ZNF564: variants seen among roughly 807,000 people sequenced by gnomAD.
The protein encoded by ZNF564 is zinc finger protein 564.
ZNF564 carries 5 observed loss-of-function variants against 10.5 expected under a neutral mutation model. The observed-to-expected ratio is 0.48, with a 90% confidence interval of 0.25 to 1.00. ZNF564 has a LOEUF of 1.00. ZNF564 is among the 50% of genes least tolerant of loss of function. The pLI is 0.16. For missense variants in ZNF564, 603 were observed against 669.7 expected, an observed-to-expected ratio of 0.90 and a Z score of 1.10; for synonymous variants, 242 against 218.1, an observed-to-expected ratio of 1.11 and a Z score of -0.97.
intron 1 of ZNF564, among the ~76,000 whole-genome samples, chr19:12,530,518 C>T (rs2021780494): frequency 6.6e-6 from 1 of 152,234 alleles, no homozygotes. Flanking sequence ...TAACAAGGTA[C>T]CCTATGACTT....
chr19:12,544,729 CAG>C (rs1568266997), intron 1 of ZNF564, among the ~76,000 whole-genome samples: 1 of 152,196 alleles, frequency 6.6e-6, no homozygotes, highest in African/African-American at 2.4e-5. Flanking sequence ...AGAACTCCCA[CAG>C]AGTCTCCAAT....
At chr19:12,529,021 C>T (rs946363970) in intron 1 of ZNF564, among the ~76,000 whole-genome samples, 22 of 152,118 alleles carry the variant, frequency 1.4e-4, no homozygotes, top group African/African-American at 4.6e-4. Flanking sequence ...ACCAAGATCA[C>T]GCCACTGCAC....
At chr19:12,542,675 AAGG>A in intron 1 of ZNF564, among the ~76,000 whole-genome samples, 1 of 151,378 alleles carries the variant, frequency 6.6e-6, no homozygotes, top group Admixed American at 6.6e-5. Flanking sequence ...AAAGGAAAGG[AAGG>A]AAGGAAAGGA....
At chr19:12,534,136 A>C (rs1391179218) in intron 1 of ZNF564, among the ~76,000 whole-genome samples, 1 of 152,202 alleles carries the variant, frequency 6.6e-6, no homozygotes, top group Non-Finnish European at 1.5e-5. Flanking sequence ...TTTCTACACA[A>C]GACCAGAAAC....
At chr19:12,545,284 A>C (rs946094439) in intron 1 of ZNF564, among the ~76,000 whole-genome samples, 4 of 149,620 alleles carry the variant, frequency 2.7e-5, no homozygotes, top group Admixed American at 2.7e-4. Flanking sequence ...AAAAAAAAAG[A>C]AATGAGTGAG....
At chr19:12,541,066 CAAAAAAAAAAAA>C (rs35848835) in intron 1 of ZNF564, among the ~76,000 whole-genome samples, 1 of 59,736 alleles carries the variant, frequency 1.7e-5, no homozygotes, top group African/African-American at 7.6e-5. Flanking sequence ...CCTGTCTCTA[CAAAAAAAAAAAA>C]AAAAAAAAAA....
At chr19:12,548,634 C>T (rs773579837) in intron 1 of ZNF564, 1 of 562,088 alleles carries the variant, frequency 1.8e-6, no homozygotes, top group Non-Finnish European at 3.2e-6. Context: ...GCCATCGCGG[C>T]TGGCAAGACA....
chr19:12,536,526 T>C (rs1425579062), intron 1 of ZNF564, among the ~76,000 whole-genome samples: 1 of 152,212 alleles, frequency 6.6e-6, no homozygotes, highest in Non-Finnish European at 1.5e-5. Context: ...TAAGCCATTA[T>C]GGTCATGAAT....
chr19:12,531,398 C>T (rs2021797741), intron 1 of ZNF564, among the ~76,000 whole-genome samples: 1 of 151,878 alleles, frequency 6.6e-6, no homozygotes, highest in African/African-American at 2.4e-5. Flanking sequence ...GAAACCTCGT[C>T]TCTACTAAAA....
intron 1 of ZNF564, among the ~76,000 whole-genome samples, chr19:12,540,582 T>C (rs113673877): frequency 0.012 from 1,898 of 152,068 alleles, 31 homozygotes; most frequent in African/African-American, 0.043. Context: ...CGGCTGGGTG[T>C]GGTAGCTCAT....
chr19:12,545,911 T>C (rs1057457806), intron 1 of ZNF564, among the ~76,000 whole-genome samples: 7 of 152,166 alleles, frequency 4.6e-5, no homozygotes, highest in Non-Finnish European at 2.9e-5. Context: ...AACAACCCTC[T>C]AGTCATGGGT....
chr19:12,541,599 T>G (rs558127563), intron 1 of ZNF564: 13 of 151,830 alleles, frequency 8.6e-5, no homozygotes, highest in African/African-American at 3.1e-4. Flanking sequence ...AGAAATGGCA[T>G]AGATCCTTAG....
Position 12,527,307 on chromosome 19 carries a change from T to C in ZNF564, c.801A>G (p.Leu267=), listed in dbSNP as rs781757337. Residue 267 remains leucine (L), a synonymous_variant, in exon 4 of 4, where the codon TTA becomes TTG. Coordinates refer to ENST00000339282, the MANE Select transcript of ZNF564 (RefSeq NM_144976.4). ...ECGKAFDRPS[L]FRIHERTHTG... is the part of the protein sequence containing the mutation. ...TATGAGTTCTTTCATGTATTCGAAA[T>C]AAACTGGGGCGGTCAAAGGCTTTTC... 1 of 1,613,662 alleles carries C rather than the reference T, an allele frequency of 6.2e-7. No individual in the cohort carries two copies. Among genetic ancestry groups the C allele is most frequent in the Non-Finnish European group, 8.5e-7 (1 of 1,179,890 alleles).
chr19:12,547,520 G>A (rs2022176481), intron 1 of ZNF564, among the ~76,000 whole-genome samples: 2 of 152,126 alleles, frequency 1.3e-5, no homozygotes, highest in Admixed American at 1.3e-4. Context: ...GGGAGCCCAT[G>A]GTTTACTGTT....
intron 1 of ZNF564, among the ~76,000 whole-genome samples, chr19:12,533,894 A>C (rs2021858562): frequency 6.6e-6 from 1 of 151,192 alleles, no homozygotes; most frequent in Non-Finnish European, 1.5e-5. Context: ...AAAAAACAGA[A>C]GTCGGTTATT....
At chr19:12,546,720 G>C (rs1023416908) in intron 1 of ZNF564, among the ~76,000 whole-genome samples, 8 of 152,122 alleles carry the variant, frequency 5.3e-5, no homozygotes, top group Non-Finnish European at 1.5e-5. Context: ...GACAGAGCAA[G>C]ACTCTGTCTC....
chr19:12,533,917 T>C (rs2021858944), intron 1 of ZNF564, among the ~76,000 whole-genome samples: 1 of 141,920 alleles, frequency 7.0e-6, no homozygotes. Flanking sequence ...AGAACACCAA[T>C]AAAACTGATA....
chr19:12,548,143 G>C, intron 1 of ZNF564: 12 of 981,780 alleles, frequency 1.2e-5, no homozygotes, highest in Non-Finnish European at 1.5e-5. Context: ...TCCTGTGTTT[G>C]AAGAATCCAG....
chr19:12,542,074 G>A (rs1568266108), intron 1 of ZNF564, among the ~76,000 whole-genome samples: 1 of 149,018 alleles, frequency 6.7e-6, no homozygotes, highest in Non-Finnish European at 1.5e-5. Flanking sequence ...GCTCACGCCT[G>A]TAATCCCAGC....
Sources: allele counts gnomAD v4.1 joint callset (sites outside exome capture counted in the v4.1 genomes callset), GRCh38; gene constraint gnomAD v4.1.1; transcripts MANE v1.5; gene names NCBI Gene and HGNC (gene_info 2026-07-23, HGNC 2026-07-21).